Variants in ST3GAL1 observed in about 807,000 individuals in gnomAD.
ST3GAL1 encodes the protein ST3 beta-galactoside alpha-2,3-sialyltransferase 1, also known as CMP-N-acetylneuraminate-beta-galactosamide-alpha-2,3-sialyltransferase 1.
A neutral mutation model predicts 34.1 loss-of-function variants in ST3GAL1; 16 were observed. The ratio of observed to expected loss-of-function variants is 0.47; its 90% CI spans 0.32 to 0.71. The LOEUF is 0.71. ST3GAL1 is among the 30% of genes least tolerant of loss of function. The pLI, the probability that ST3GAL1 is intolerant of heterozygous loss-of-function variation, is 0.04. For synonymous variants in ST3GAL1, 191 were observed against 184.7 expected (o/e 1.03, Z -0.28); for missense variants, 353 against 447.4 (o/e 0.79, Z 1.90).
rs1160252211 is a variant in ST3GAL1, at chr8:133,519,238, AG to A, written c.-428-20050del. Among the ~76,000 whole-genome samples the A allele has an allele frequency of 2.0e-5, 3 of 152,326 alleles. No homozygotes were observed. The East Asian group carries it at 5.8e-4, about 29-fold the overall frequency. Reference sequence around the variant, plus strand: ...ATTAGAAGACACTGTGATGCCAAGAAGGCACAGTGATGCCAAGTGTTAGCAG... The same window carrying A: ...ATTAGAAGACACTGTGATGCCAAGAAGCACAGTGATGCCAAGTGTTAGCAG... On this transcript the variant is annotated intron_variant, in intron 2 of 9. Transcript: ENST00000522652.
intron 3 of ST3GAL1, among the ~76,000 whole-genome samples, chr8:133,479,381 G>C (rs1816299772): frequency 6.6e-6 from 1 of 152,126 alleles, no homozygotes; most frequent in African/African-American, 2.4e-5. Context: ...GTGAGAGTGT[G>C]TTGGGCCAGA....
intron 1 of ST3GAL1, among the ~76,000 whole-genome samples, chr8:133,568,186 G>A (rs1166620223): frequency 1.3e-5 from 2 of 152,284 alleles, no homozygotes; most frequent in East Asian, 1.9e-4. Flanking sequence ...CTCCCAAAGT[G>A]CTGGGATTAC....
Position 133,557,631 on chromosome 8 carries a change from T to C in ST3GAL1, c.-581-11705A>G, listed in dbSNP as rs540996890. 2.7e-4 allele frequency among the ~76,000 whole-genome samples: 41 copies of C among 152,258 alleles called. 1 individual carries two copies. The highest frequency in any genetic ancestry group is 9.4e-4 in the African/African-American group (39 of 41,548). ...TTGGGAGGCCAAGGCAGGCAGATCA[T>C]GAGGTCAAGAGTTTGAGACTAGCCT... On this transcript the variant is annotated intron_variant, in intron 1 of 9. Transcript: ENST00000522652.
At chr8:133,531,216 A>AAT (rs1421964056) in intron 2 of ST3GAL1, among the ~76,000 whole-genome samples, 1 of 151,608 alleles carries the variant, frequency 6.6e-6, no homozygotes, top group African/African-American at 2.4e-5. Context: ...TAGTATATGT[A>AAT]ATATATATAT....
chr8:133,526,081 A>G (rs2131035707), intron 2 of ST3GAL1, among the ~76,000 whole-genome samples: 1 of 152,310 alleles, frequency 6.6e-6, no homozygotes, highest in East Asian at 1.9e-4. Flanking sequence ...TCCCCACAGC[A>G]GCTGCTCCAG....
At chr8:133,494,643 C>T (rs1816886525) in intron 3 of ST3GAL1, among the ~76,000 whole-genome samples, 1 of 152,190 alleles carries the variant, frequency 6.6e-6, no homozygotes, top group African/African-American at 2.4e-5. Context: ...CCAAGGCCTG[C>T]AAGATCCTAC....
intron 3 of ST3GAL1, among the ~76,000 whole-genome samples, chr8:133,484,810 G>T (rs972888669): frequency 2.3e-4 from 35 of 152,112 alleles, no homozygotes; most frequent in African/African-American, 8.2e-4. Flanking sequence ...CCATCCCCCT[G>T]AAGCTAAGGG....
At chr8:133,513,786 C>A (rs747092065) in intron 2 of ST3GAL1, among the ~76,000 whole-genome samples, 5 of 151,850 alleles carry the variant, frequency 3.3e-5, no homozygotes, top group Non-Finnish European at 7.4e-5. Flanking sequence ...ATAATCCCAG[C>A]TACTTGGGGG....
At chr8:133,526,170 C>T (rs1205788874) in intron 2 of ST3GAL1, among the ~76,000 whole-genome samples, 1 of 152,212 alleles carries the variant, frequency 6.6e-6, no homozygotes, top group Non-Finnish European at 1.5e-5. Context: ...GGTCAGGCTC[C>T]AGGCAGCCTG....
intron 2 of ST3GAL1, among the ~76,000 whole-genome samples, chr8:133,534,901 T>C (rs906681753): frequency 1.3e-4 from 19 of 151,968 alleles, no homozygotes; most frequent in African/African-American, 4.4e-4. Context: ...GTGAGTCCAA[T>C]GAAGAATAAA....
At chr8:133,490,204 C>T (rs1229220129) in intron 3 of ST3GAL1, among the ~76,000 whole-genome samples, 1 of 152,142 alleles carries the variant, frequency 6.6e-6, no homozygotes, top group Non-Finnish European at 1.5e-5. Context: ...TCCCATTTTA[C>T]AGAAGGGGAT....
At chr8:133,564,086 A>C (rs1819322320) in intron 1 of ST3GAL1, among the ~76,000 whole-genome samples, 1 of 152,200 alleles carries the variant, frequency 6.6e-6, no homozygotes, top group Non-Finnish European at 1.5e-5. Flanking sequence ...TTTCTTTTAA[A>C]CTAAGGAGAC....
chr8:133,511,828 C>A (rs775876192), intron 2 of ST3GAL1, among the ~76,000 whole-genome samples: 1 of 152,096 alleles, frequency 6.6e-6, no homozygotes, highest in Non-Finnish European at 1.5e-5. Flanking sequence ...CCGAGGCGGG[C>A]AGATCATGAG....
At chr8:133,541,626 G>C (rs1040535612) in intron 2 of ST3GAL1, among the ~76,000 whole-genome samples, 3 of 152,212 alleles carry the variant, frequency 2.0e-5, no homozygotes, top group African/African-American at 7.2e-5. Flanking sequence ...TGTCAGCAGG[G>C]ACAAATGCTT....
chr8:133,485,938 T>C (rs2130965549), intron 3 of ST3GAL1, among the ~76,000 whole-genome samples: 1 of 152,312 alleles, frequency 6.6e-6, no homozygotes, highest in Admixed American at 6.5e-5. Context: ...CTACTTGAGG[T>C]GACTGCACAG....
At chr8:133,534,592 A>G (rs1818253333) in intron 2 of ST3GAL1, among the ~76,000 whole-genome samples, 1 of 152,206 alleles carries the variant, frequency 6.6e-6, no homozygotes, top group Non-Finnish European at 1.5e-5. Context: ...GAACGCAGAT[A>G]AGGCGTGGAT....
chr8:133,492,854 C>T (rs760920157), intron 3 of ST3GAL1, among the ~76,000 whole-genome samples: 1 of 152,216 alleles, frequency 6.6e-6, no homozygotes, highest in African/African-American at 2.4e-5. Flanking sequence ...AGCGTCCATG[C>T]GGCAGGGGGA....
In ST3GAL1 at chr8:133,552,783, T is replaced by A. The variant is rs930398901; in HGVS notation, c.-581-6857A>T. 9.2e-5 allele frequency among the ~76,000 whole-genome samples: 14 copies of A among 152,294 alleles called. No homozygotes were observed. The East Asian group carries it at 1.2e-3, about 13-fold the overall frequency. On this transcript the variant is annotated intron_variant, in intron 1 of 9. Coordinates refer to ENST00000522652, the MANE Select transcript of ST3GAL1 (RefSeq NM_173344.3). ...TGAATTTGAAGGCTAACCACTGAGGTCTGGCTGCTTCGCTGGAAGAGCTAT... is the reference window on the plus strand; with the variant it reads ...TGAATTTGAAGGCTAACCACTGAGGACTGGCTGCTTCGCTGGAAGAGCTAT...
At chr8:133,550,672 G>A (rs973998398) in intron 1 of ST3GAL1, among the ~76,000 whole-genome samples, 1 of 152,100 alleles carries the variant, frequency 6.6e-6, no homozygotes, top group East Asian at 1.9e-4. Context: ...CAAGAGACTC[G>A]GAAGCAAGAA....
Sources: allele counts gnomAD v4.1 joint callset (sites outside exome capture counted in the v4.1 genomes callset), GRCh38; gene constraint gnomAD v4.1.1; transcripts MANE v1.5; gene names NCBI Gene and HGNC (gene_info 2026-07-23, HGNC 2026-07-21).